The following SORCS1 variants were observed in gnomAD, a reference collection of about 807,000 sequenced individuals.
SORCS1 encodes the protein sortilin related VPS10 domain containing receptor 1, also known as VPS10 domain-containing receptor SorCS1.
SORCS1 carries 60 observed loss-of-function variants against 146.1 expected under a neutral mutation model. The observed-to-expected ratio is 0.41, with a 90% CI of 0.33 to 0.51. The LOEUF is 0.51. Ranked by LOEUF, SORCS1 falls within the 20% of genes least tolerant of loss-of-function variation. SORCS1 has a pLI of 0.21. For synonymous variants in SORCS1, 637 were observed against 584.0 expected (o/e 1.09, Z -1.31); for missense variants, 1,352 against 1,487.6 (o/e 0.91, Z 1.50).
At chr10:107,156,224 T>C (rs1395115074) in intron 1 of SORCS1, among the ~76,000 whole-genome samples, 2 of 152,168 alleles carry the variant, frequency 1.3e-5, no homozygotes, top group Non-Finnish European at 2.9e-5. Flanking sequence ...AATAAACTTA[T>C]ACAAAAATAA....
At chr10:106,910,999 T>A (rs1396360815) in intron 2 of SORCS1, among the ~76,000 whole-genome samples, 1 of 152,212 alleles carries the variant, frequency 6.6e-6, no homozygotes, top group Non-Finnish European at 1.5e-5. Context: ...TGAATTACTA[T>A]CCCATCTAGG....
At chr10:107,090,247 T>TAA (rs1964088556) in intron 1 of SORCS1, among the ~76,000 whole-genome samples, 1 of 152,074 alleles carries the variant, frequency 6.6e-6, no homozygotes, top group Non-Finnish European at 1.5e-5. Context: ...AAGAGAACCC[T>TAA]GGAGAAGCAT....
At chr10:106,578,229 C>G (rs914952227) in intron 25 of SORCS1, 1 of 152,152 alleles carries the variant, frequency 6.6e-6, no homozygotes, top group African/African-American at 2.4e-5. Flanking sequence ...ATAGTGGCTT[C>G]ATAGGTTTGT....
In SORCS1 at chr10:106,600,664, T is replaced by G. The variant is rs35050368; in HGVS notation, c.3166-3214A>C. 4.8e-3 allele frequency: 4,747 copies of G among 985,452 alleles called. 16 individuals are homozygous for G. The highest frequency in any genetic ancestry group is 5.0e-3 in the Non-Finnish European group (4,153 of 829,936). The allele number at this position is 985,452 out of a possible 1,614,324, so 61.0% of individuals were successfully genotyped here. A position where few individuals can be genotyped will look rare whatever the true frequency, so the allele number is the denominator to read the frequency against. ...AAGTTGCTTGCTTCTTACTATCTTT[T>G]CTAGCAGAACACATCTTAGGTGTCA... On this transcript the variant is annotated intron_variant, in intron 23 of 25. Coordinates refer to ENST00000263054, the MANE Select transcript of SORCS1 (RefSeq NM_052918.5).
intron 3 of SORCS1, among the ~76,000 whole-genome samples, chr10:106,795,821 C>T (rs180857656): frequency 1.3e-4 from 20 of 152,200 alleles, no homozygotes; most frequent in East Asian, 3.9e-4. Flanking sequence ...GGCAGTGTGC[C>T]GTGGAATGAG....
chr10:107,061,494 A>G (rs1961229520), intron 1 of SORCS1, among the ~76,000 whole-genome samples: 1 of 152,192 alleles, frequency 6.6e-6, no homozygotes, highest in South Asian at 2.1e-4. Flanking sequence ...AAGCCAATGC[A>G]ATACATCCCA....
intron 24 of SORCS1, among the ~76,000 whole-genome samples, chr10:106,584,048 C>T (rs533183069): frequency 1.3e-5 from 2 of 152,260 alleles, no homozygotes; most frequent in East Asian, 1.9e-4. Flanking sequence ...ATTTACCATA[C>T]CTTGATATTC....
chr10:106,607,122 C>T (rs1846654386), intron 23 of SORCS1, 44 bp downstream of exon 23: 3 of 1,605,092 alleles, frequency 1.9e-6, no homozygotes, highest in Non-Finnish European at 2.6e-6. Context: ...GAAGACTCCA[C>T]AAACGGTTGA....
chr10:106,974,854 C>G (rs1955928033), intron 1 of SORCS1, among the ~76,000 whole-genome samples: 1 of 152,166 alleles, frequency 6.6e-6, no homozygotes, highest in Non-Finnish European at 1.5e-5. Flanking sequence ...AGGGCGGAAA[C>G]AAAACAGTTC....
intron 1 of SORCS1, among the ~76,000 whole-genome samples, chr10:107,075,371 A>T (rs1962785133): frequency 6.6e-6 from 1 of 152,166 alleles, no homozygotes; most frequent in Non-Finnish European, 1.5e-5. Flanking sequence ...ATGAAAACAA[A>T]GGTCTTCTAT....
chr10:107,116,697 T>C (rs749622718), intron 1 of SORCS1, among the ~76,000 whole-genome samples: 12 of 152,172 alleles, frequency 7.9e-5, no homozygotes, highest in Non-Finnish European at 1.2e-4. Context: ...ATATCAATTT[T>C]AAGATGAACA....
At chr10:107,179,413 G>A in the SORCS1 span, among the ~76,000 whole-genome samples, 106 of 152,130 alleles carry the variant, frequency 7.0e-4, no homozygotes, top group African/African-American at 2.5e-3. Context: ...CCTAGAAACC[G>A]TTAATTTGTT....
At chr10:107,009,305 C>T (rs193027212) in intron 1 of SORCS1, among the ~76,000 whole-genome samples, 1 of 152,188 alleles carries the variant, frequency 6.6e-6, no homozygotes, top group Admixed American at 6.5e-5. Flanking sequence ...TGGAGTAGCA[C>T]CATTTTCAAT....
chr10:107,083,505 C>T (rs1188468438), intron 1 of SORCS1, among the ~76,000 whole-genome samples: 1 of 152,162 alleles, frequency 6.6e-6, no homozygotes, highest in African/African-American at 2.4e-5. Flanking sequence ...GACTAAGACA[C>T]AACCACTTAG....
chr10:106,730,395 G>T (rs77839973), intron 5 of SORCS1, among the ~76,000 whole-genome samples: 2,691 of 152,278 alleles, frequency 0.018, 85 homozygotes, highest in African/African-American at 0.062. Flanking sequence ...ACGCATGTTG[G>T]GTGTGTACTC....
At chr10:107,168,392 T>C (rs945755946), upstream of SORCS1, among the ~76,000 whole-genome samples, 2 of 152,232 alleles carry the variant, frequency 1.3e-5, no homozygotes, top group African/African-American at 4.8e-5. Context: ...TTATTTTACT[T>C]AAACCTGTTT....
chr10:106,588,814 T>C (rs373102906), intron 24 of SORCS1, among the ~76,000 whole-genome samples: 92 of 119,218 alleles, frequency 7.7e-4, no homozygotes, highest in African/African-American at 2.9e-3. Context: ...TGAGCCGAGA[T>C]CACGCCACTG....
At chr10:106,644,402 T>C (rs1849273004) in intron 18 of SORCS1, among the ~76,000 whole-genome samples, 2 of 151,976 alleles carry the variant, frequency 1.3e-5, no homozygotes, top group South Asian at 4.2e-4. Flanking sequence ...GTCTAGCTCT[T>C]GTCACCCAGG....
At chr10:107,023,519 A>G (rs1958247888) in intron 1 of SORCS1, among the ~76,000 whole-genome samples, 1 of 152,218 alleles carries the variant, frequency 6.6e-6, no homozygotes, top group South Asian at 2.1e-4. Context: ...CACAAAGCAG[A>G]GCTTGTGACA....
Sources: allele counts gnomAD v4.1 joint callset (sites outside exome capture counted in the v4.1 genomes callset), GRCh38; gene constraint gnomAD v4.1.1; transcripts MANE v1.5; gene names NCBI Gene and HGNC (gene_info 2026-07-23, HGNC 2026-07-21).